The following TMEM223 variants were observed in gnomAD, a reference collection of about 807,000 sequenced individuals.
TMEM223 encodes the protein transmembrane protein 223.
TMEM223 carries 14 observed loss-of-function variants against 14.1 expected under a neutral mutation model. The ratio of observed to expected loss-of-function variants is 0.99; its 90% confidence interval spans 0.66 to 1.55. TMEM223 has a LOEUF of 1.55. TMEM223 is among the 40% of genes most tolerant of loss of function. The probability of loss-of-function intolerance (pLI) is 0.00; values close to 1 mark genes in which losing one functional copy is unlikely to be tolerated. For synonymous variants in TMEM223, 145 were observed against 120.5 expected (o/e 1.20, Z -1.33); for missense variants, 346 against 269.9 (o/e 1.28, Z -1.97).
chr11:62,789,352 G>T (rs747042757), downstream of TMEM223: 2 of 1,613,924 alleles, frequency 1.2e-6, no homozygotes, highest in Non-Finnish European at 1.7e-6. Context: ...TCCTGGTCTT[G>T]GTGTCTGCCT....
Position 62,791,712 on chromosome 11 carries a change from G to C in TMEM223, c.283C>G (p.Arg95Gly). The C allele has an allele frequency of 1.9e-6, 3 of 1,549,884 alleles. No individual in the cohort carries two copies. The highest frequency in any genetic ancestry group is 2.6e-6 in the Non-Finnish European group (3 of 1,146,840). ...GPFDLRSALW[R>G]YGLAVGCGAI... ...CCGCAGCCGACGGCCAGACCGTAGC[G>C]CCAGAGCGCGGAGCGCAGGTCGAAG... Residue 95 changes from arginine (R) to glycine (G), a missense_variant, in exon 1 of 2, where the codon CGC becomes GGC. Physicochemically the swap from Arg to Gly is moderately radical, Grantham distance 125. Coordinates refer to ENST00000307366, the MANE Select transcript of TMEM223 (RefSeq NM_001080501.3).
chr11:62,778,266 C>A, intron 1 of TMEM223: 7 of 1,614,150 alleles, frequency 4.3e-6, no homozygotes, highest in Non-Finnish European at 5.1e-6. Flanking sequence ...GCTGACACAT[C>A]TCTCTGCACT....
chr11:62,791,687 C>T lies in TMEM223; in HGVS notation c.308G>A (p.Gly103Asp), dbSNP rs772076964. 61 of 1,534,186 alleles carry T rather than the reference C, an allele frequency of 4.0e-5. No homozygotes were observed. Among genetic ancestry groups the T allele is most frequent in the Non-Finnish European group, 5.3e-5 (60 of 1,139,804 alleles). The change falls in exon 1 of 2, where the codon GGC becomes GAC. Residue 103 changes from glycine to aspartate, a missense_variant. By Grantham distance (94) the Gly-to-Asp change is moderately conservative. Transcript: ENST00000307366. ...GCCAGCCCACGTCTTACCGATGGCG[C>T]CGCAGCCGACGGCCAGACCGTAGCG... ...LWRYGLAVGCGAIGALVLGAG... is the reference protein window; with the variant it reads ...LWRYGLAVGCDAIGALVLGAG...
At chr11:62,779,978 T>TATATA (rs1590935179) in intron 1 of TMEM223, among the ~76,000 whole-genome samples, 13 of 74,246 alleles carry the variant, frequency 1.8e-4, no homozygotes, top group Admixed American at 1.7e-3. Context: ...ATATATATAT[T>TATATA]TTTTTTTTTT....
intron 1 of TMEM223, chr11:62,775,914 TGA>T: frequency 6.2e-7 from 1 of 1,611,744 alleles, no homozygotes; most frequent in Non-Finnish European, 8.5e-7. Context: ...TGCTATCGTC[TGA>T]GAGAGGCCAC....
chr11:62,790,108 C>T lies in TMEM223; in HGVS notation c.*515G>A, dbSNP rs899850122. Reference sequence around the variant, plus strand: ...CATGCCCAAGTGCCTGTAATCCCCCCCCTCAAGGCCCTGTTTATGTTGGGA... The same window carrying T: ...CATGCCCAAGTGCCTGTAATCCCCCTCCTCAAGGCCCTGTTTATGTTGGGA... On this transcript the variant is annotated 3_prime_UTR_variant, in exon 2 of 2. Coordinates refer to ENST00000307366, the MANE Select transcript of TMEM223 (RefSeq NM_001080501.3). 1.4e-5 allele frequency: 21 copies of T among 1,491,044 alleles called. No homozygotes were observed. The highest frequency in any genetic ancestry group is 4.1e-5 in the South Asian group (3 of 73,364). The allele number at this position is 1,491,044 out of a possible 1,614,324, so 92.4% of individuals were successfully genotyped here.
Position 62,790,924 on chromosome 11 carries a change from A to C in TMEM223, c.317-9T>G. The C allele has an allele frequency of 1.3e-6, 2 of 1,556,506 alleles. No individual in the cohort carries two copies. The highest frequency in any genetic ancestry group is 1.7e-6 in the Non-Finnish European group (2 of 1,146,792). On this transcript the variant is annotated splice_polypyrimidine_tract_variant and intron_variant, in intron 1 of 1. Coordinates refer to ENST00000307366, the MANE Select transcript of TMEM223 (RefSeq NM_001080501.3). ...ACCGAGTACGAGGGCTCCTGCAGGC[A>C]GGGCAGAGATTGGGGTGAGGGGTTT...
downstream of TMEM223, chr11:62,787,351 C>T (rs901998079): frequency 5.9e-6 from 9 of 1,535,632 alleles, no homozygotes; most frequent in African/African-American, 9.8e-5. Flanking sequence ...AATGACGTCT[C>T]CACCTTCGTG....
chr11:62,789,774 G>T (rs916236306), downstream of TMEM223: 2 of 1,515,168 alleles, frequency 1.3e-6, no homozygotes, highest in Non-Finnish European at 1.8e-6. Context: ...CCAGTGAGAG[G>T]AGCTGAAGGG....
downstream of TMEM223, chr11:62,787,469 T>C (rs1009626144): frequency 8.2e-6 from 13 of 1,576,952 alleles, no homozygotes; most frequent in African/African-American, 1.4e-5. Flanking sequence ...GAGCTTGCGC[T>C]CTTTGCTGCC....
chr11:62,780,551 T>C (rs891606474), intron 1 of TMEM223, among the ~76,000 whole-genome samples: 6 of 151,634 alleles, frequency 4.0e-5, no homozygotes, highest in Non-Finnish European at 7.4e-5. Flanking sequence ...GCCTGGCTGA[T>C]AGAACGAAAC....
At chr11:62,791,148 A>G (rs935433869) in intron 1 of TMEM223, among the ~76,000 whole-genome samples, 1 of 152,038 alleles carries the variant, frequency 6.6e-6, no homozygotes, top group African/African-American at 2.4e-5. Flanking sequence ...GTCCGTTTCC[A>G]TTTTAATGGG....
downstream of TMEM223, chr11:62,789,585 C>T (rs200221549): frequency 1.7e-3 from 2,654 of 1,549,636 alleles, 8 homozygotes; most frequent in Non-Finnish European, 1.8e-3. Flanking sequence ...TCACAACTGT[C>T]TCTTTGACCT....
chr11:62,776,337 C>T (rs769208835), intron 1 of TMEM223: 2 of 1,599,110 alleles, frequency 1.3e-6, no homozygotes, highest in Non-Finnish European at 1.7e-6. Flanking sequence ...TTCCCATGCC[C>T]CCTGCTTCAC....
At chr11:62,787,595 C>T (rs934304250), downstream of TMEM223, 10 of 1,439,908 alleles carry the variant, frequency 6.9e-6, no homozygotes, top group African/African-American at 2.9e-5. Context: ...AGGCCACTTT[C>T]GCTTTCCGAC....
downstream of TMEM223, chr11:62,782,913 G>A: frequency 1.3e-6 from 2 of 1,545,750 alleles, no homozygotes; most frequent in Non-Finnish European, 1.8e-6. Context: ...CTCCAAAATA[G>A]TGTGTGCCTG....
chr11:62,781,721 G>T, intron 1 of TMEM223: 1 of 595,932 alleles, frequency 1.7e-6, no homozygotes, highest in Non-Finnish European at 3.0e-6. Flanking sequence ...GCAGGTATAT[G>T]TGAATGAGTT....
downstream of TMEM223, chr11:62,789,392 T>C: frequency 6.2e-7 from 1 of 1,613,948 alleles, no homozygotes; most frequent in Non-Finnish European, 8.5e-7. Context: ...CAGGTCTCTC[T>C]GCAACTCCAT....
chr11:62,776,808 A>C (rs1333389703), intron 1 of TMEM223, among the ~76,000 whole-genome samples: 2 of 145,266 alleles, frequency 1.4e-5, no homozygotes. Context: ...CTGAGATTGC[A>C]CTCCAGCCTG....
Sources: gnomAD v4.1 joint callset for allele counts (sites outside exome capture counted in the v4.1 genomes callset) on GRCh38, gnomAD v4.1.1 for gene constraint, MANE v1.5 for transcripts, NCBI Gene and HGNC (gene_info 2026-07-23, HGNC 2026-07-21) for gene names.